The following GABRA3 variants were observed in gnomAD, a reference collection of about 807,000 sequenced individuals.
The protein encoded by GABRA3 is gamma-aminobutyric acid receptor subunit alpha-3.
A neutral mutation model predicts 30.1 loss-of-function variants in GABRA3; 10 were observed. That is an observed-to-expected ratio of 0.33 (90% CI 0.20 to 0.56). The LOEUF is 0.56. Among genes scored for constraint, GABRA3 ranks in the 20% least tolerant of loss-of-function variants. The pLI, the probability that GABRA3 is intolerant of heterozygous loss-of-function variation, is 0.89. For synonymous variants in GABRA3, 151 were observed against 146.8 expected, an observed-to-expected ratio of 1.03 and a Z score of -0.21; for missense variants, 233 against 392.0, an observed-to-expected ratio of 0.59 and a Z score of 3.42.
intron 3 of GABRA3, among the ~76,000 whole-genome samples, chrX:152,292,754 T>C (rs1939446035): frequency 8.9e-6 from 1 of 111,863 alleles, no homozygotes; most frequent in Non-Finnish European, 1.9e-5. Flanking sequence ...GGTGGTGTCT[T>C]TGTTCTCATT....
chrX:152,231,484 T>C (rs768383613), intron 5 of GABRA3, among the ~76,000 whole-genome samples: 1 of 110,583 alleles, frequency 9.0e-6, no homozygotes, highest in East Asian at 2.9e-4. Context: ...CACACTAAAA[T>C]GGCTAAAATA....
rs1938811563 is a variant in GABRA3, at chrX:152,265,725, A to T, written c.331-9727T>A. On this transcript the variant is annotated intron_variant, in intron 4 of 9. Transcript: ENST00000370314. ...TGAAAAACAGTAGGTTTGTGAAAAG[A>T]TAAACTTGATAAACCTTTAGCCAGA... 2.7e-5 allele frequency among the ~76,000 whole-genome samples: 3 copies of T among 111,568 alleles called. No individual in the cohort carries two copies. The South Asian group carries it at 1.1e-3, about 41-fold the overall frequency.
chrX:152,273,463 A>G (rs1225439792), intron 4 of GABRA3, among the ~76,000 whole-genome samples: 1 of 112,460 alleles, frequency 8.9e-6, no homozygotes, highest in African/African-American at 3.2e-5. Context: ...AAGGAAATCA[A>G]TATGTCCAAG....
At chrX:152,243,425 A>G (rs1603224257) in intron 5 of GABRA3, among the ~76,000 whole-genome samples, 1 of 112,186 alleles carries the variant, frequency 8.9e-6, no homozygotes, top group Non-Finnish European at 1.9e-5. Context: ...TAAATATATC[A>G]AGACATTCTG....
At chrX:152,343,641 T>C (rs1417327121) in intron 3 of GABRA3, among the ~76,000 whole-genome samples, 1 of 110,998 alleles carries the variant, frequency 9.0e-6, no homozygotes, top group Non-Finnish European at 1.9e-5. Context: ...TCCTAGAAAA[T>C]TGCAATTAAT....
At chrX:152,329,224 A>C (rs1940120880) in intron 3 of GABRA3, among the ~76,000 whole-genome samples, 1 of 112,091 alleles carries the variant, frequency 8.9e-6, no homozygotes, top group African/African-American at 3.2e-5. Flanking sequence ...GGAACATTCC[A>C]TGCTCATGGA....
chrX:152,348,470 A>G (rs1441985365), intron 2 of GABRA3, among the ~76,000 whole-genome samples: 1 of 111,796 alleles, frequency 8.9e-6, no homozygotes, highest in Admixed American at 9.5e-5. Flanking sequence ...AATGAAAATG[A>G]CGTTACTAAT....
intron 1 of GABRA3, among the ~76,000 whole-genome samples, chrX:152,448,896 T>C (rs1490735919): frequency 9.0e-6 from 1 of 111,246 alleles, no homozygotes; most frequent in Non-Finnish European, 1.9e-5. Context: ...CTTGCTCCCA[T>C]CAGTCCAGTT....
In GABRA3 at chrX:152,168,419, T is replaced by C. The variant is rs1464579637; in HGVS notation, c.1288A>G (p.Ile430Val). The part of the protein sequence containing the change: ...AAPSASSTPT[I>V]IASPKATYVQ... Reference sequence around the variant, plus strand: ...TAGGTGGCCTTGGGTGAAGCAATGATTGTTGGGGTTGAGGAGGCACTGGGA... The same window carrying C: ...TAGGTGGCCTTGGGTGAAGCAATGACTGTTGGGGTTGAGGAGGCACTGGGA... The change falls in exon 10 of 10, where the codon ATC (isoleucine) becomes GTC (valine). Residue 430 changes from isoleucine to valine, a missense_variant. By Grantham distance (29) the Ile-to-Val change is conservative. Coordinates refer to ENST00000370314, the MANE Select transcript of GABRA3 (RefSeq NM_000808.4). The C allele has an allele frequency of 8.3e-7, 1 of 1,211,477 alleles. No homozygotes were observed. Among genetic ancestry groups the C allele is most frequent in the Non-Finnish European group, 1.1e-6 (1 of 895,419 alleles).
At chrX:152,304,983 T>C (rs1030238037) in intron 3 of GABRA3, among the ~76,000 whole-genome samples, 14 of 112,016 alleles carry the variant, frequency 1.2e-4, no homozygotes, top group Non-Finnish European at 2.4e-4. Context: ...TCTGATTTCC[T>C]TTTTAATGAA....
At chrX:152,394,047 T>C (rs1489882153) in intron 1 of GABRA3, among the ~76,000 whole-genome samples, 1 of 111,635 alleles carries the variant, frequency 9.0e-6, no homozygotes, top group Non-Finnish European at 1.9e-5. Context: ...GTCATCATCA[T>C]CATCATCATT....
At chrX:152,393,687 A>G (rs1474716997) in intron 1 of GABRA3, among the ~76,000 whole-genome samples, 1 of 111,956 alleles carries the variant, frequency 8.9e-6, no homozygotes, top group Non-Finnish European at 1.9e-5. Flanking sequence ...TACTCAGGCA[A>G]TCATGGTGCA....
intron 3 of GABRA3, among the ~76,000 whole-genome samples, chrX:152,326,192 T>A (rs952663405): frequency 2.7e-5 from 3 of 110,910 alleles, no homozygotes; most frequent in Non-Finnish European, 5.7e-5. Context: ...CTCCAAGAAA[T>A]ATGGGACTAC....
At chrX:152,171,915 T>G (rs915057240) in intron 9 of GABRA3, among the ~76,000 whole-genome samples, 15 of 111,738 alleles carry the variant, frequency 1.3e-4, no homozygotes, top group African/African-American at 4.9e-4. Flanking sequence ...CTCAAGAGTC[T>G]TCCTCCGATG....
chrX:152,295,277 G>C (rs1939506208), intron 3 of GABRA3, among the ~76,000 whole-genome samples: 1 of 112,761 alleles, frequency 8.9e-6, no homozygotes, highest in Non-Finnish European at 1.9e-5. Context: ...GCTGCCTTTT[G>C]TTCAGCTATG....
At chrX:152,219,225 C>A (rs990043874) in intron 6 of GABRA3, among the ~76,000 whole-genome samples, 1 of 111,065 alleles carries the variant, frequency 9.0e-6, no homozygotes, top group Admixed American at 9.6e-5. Context: ...TGGCTTTAAA[C>A]ATCATCTATG....
intron 4 of GABRA3, among the ~76,000 whole-genome samples, chrX:152,260,788 G>A (rs1938716014): frequency 9.0e-6 from 1 of 111,291 alleles, no homozygotes; most frequent in Non-Finnish European, 1.9e-5. Flanking sequence ...AGCCCAGACT[G>A]AGAAGACTAT....
At chrX:152,373,761 A>G (rs1032638273) in intron 1 of GABRA3, among the ~76,000 whole-genome samples, 3 of 109,730 alleles carry the variant, frequency 2.7e-5, no homozygotes, top group East Asian at 2.9e-4. Context: ...ATTTCTCCCA[A>G]TGCTATCCCT....
At chrX:152,322,972 C>G (rs1976389719) in intron 3 of GABRA3, among the ~76,000 whole-genome samples, 1 of 105,760 alleles carries the variant, frequency 9.5e-6, no homozygotes, top group African/African-American at 3.5e-5. Flanking sequence ...CCTGCCTCAG[C>G]CTCCTGAGTA....
Sources: allele counts gnomAD v4.1 joint callset (sites outside exome capture counted in the v4.1 genomes callset), GRCh38; gene constraint gnomAD v4.1.1; transcripts MANE v1.5; gene names NCBI Gene and HGNC (gene_info 2026-07-23, HGNC 2026-07-21).